The following NXPH1 variants were observed in gnomAD, a reference collection of about 807,000 sequenced individuals.
The protein encoded by NXPH1 is neurexophilin 1, also known as neurexophilin-1.
Under a neutral mutation model 23.7 loss-of-function variants are expected in NXPH1, and 5 were observed. The observed-to-expected ratio is 0.21, with a 90% CI of 0.11 to 0.44. NXPH1 has a LOEUF of 0.44. NXPH1 is among the 20% of genes least tolerant of loss of function. The probability of loss-of-function intolerance (pLI) is 0.99; values close to 1 mark genes in which losing one functional copy is unlikely to be tolerated. For missense variants in NXPH1, 324 were observed against 321.6 expected, an observed-to-expected ratio of 1.01 and a Z score of -0.06; for synonymous variants, 144 against 122.2, an observed-to-expected ratio of 1.18 and a Z score of -1.18.
At chr7:8,740,867 C>A (rs1403037569) in intron 2 of NXPH1, among the ~76,000 whole-genome samples, 1 of 152,058 alleles carries the variant, frequency 6.6e-6, no homozygotes, top group Non-Finnish European at 1.5e-5. Flanking sequence ...ATTAAAATAT[C>A]CATTACCTCA....
At chr7:8,455,049 G>C (rs1294164824) in intron 2 of NXPH1, among the ~76,000 whole-genome samples, 1 of 152,090 alleles carries the variant, frequency 6.6e-6, no homozygotes, top group Non-Finnish European at 1.5e-5. Flanking sequence ...ATTAACAGTA[G>C]AGTAAATTGT....
chr7:8,532,716 G>A (rs1042122537), intron 2 of NXPH1, among the ~76,000 whole-genome samples: 7 of 152,182 alleles, frequency 4.6e-5, no homozygotes, highest in South Asian at 2.1e-4. Flanking sequence ...TCCTCAGACC[G>A]TAGCGTCATT....
At chr7:8,609,653 T>A (rs1051062784) in intron 2 of NXPH1, among the ~76,000 whole-genome samples, 9 of 152,200 alleles carry the variant, frequency 5.9e-5, no homozygotes, top group African/African-American at 1.9e-4. Context: ...TCCCATCACT[T>A]GTGTGATGTC....
intron 2 of NXPH1, among the ~76,000 whole-genome samples, chr7:8,639,276 C>G (rs1373008443): frequency 6.6e-6 from 1 of 152,132 alleles, no homozygotes; most frequent in Non-Finnish European, 1.5e-5. Context: ...AAAAAATAGT[C>G]TGATAGCTGC....
intron 2 of NXPH1, among the ~76,000 whole-genome samples, chr7:8,746,657 A>G (rs1267516501): frequency 2.6e-5 from 4 of 152,212 alleles, no homozygotes; most frequent in Non-Finnish European, 5.9e-5. Context: ...TATCCTTAAT[A>G]TAAATTTAAA....
chr7:8,589,096 C>T (rs1435528448), intron 2 of NXPH1, among the ~76,000 whole-genome samples: 6 of 152,076 alleles, frequency 3.9e-5, no homozygotes, highest in Non-Finnish European at 8.8e-5. Flanking sequence ...TGCTTTCACA[C>T]CTGGATAACT....
intron 2 of NXPH1, among the ~76,000 whole-genome samples, chr7:8,453,339 C>G (rs1290076653): frequency 3.3e-5 from 5 of 152,006 alleles, no homozygotes; most frequent in African/African-American, 4.8e-5. Context: ...AGGAAAGAGA[C>G]AAAAAACCCA....
chr7:8,666,067 A>G (rs1820759118), intron 2 of NXPH1, among the ~76,000 whole-genome samples: 1 of 151,538 alleles, frequency 6.6e-6, no homozygotes, highest in Non-Finnish European at 1.5e-5. Context: ...TTTTCTGGCT[A>G]GGACTTCTAG....
At chr7:8,747,800 G>C (rs552994786) in intron 2 of NXPH1, among the ~76,000 whole-genome samples, 7 of 152,084 alleles carry the variant, frequency 4.6e-5, no homozygotes, top group Admixed American at 1.3e-4. Context: ...CAAATCCAAA[G>C]GTATGTACTA....
intron 2 of NXPH1, among the ~76,000 whole-genome samples, chr7:8,604,391 G>A (rs184146715): frequency 8.5e-5 from 13 of 152,124 alleles, no homozygotes; most frequent in Admixed American, 5.2e-4. Context: ...TGGAATATAA[G>A]GTGTTACAAT....
chr7:8,680,724 G>A (rs1439628307), intron 2 of NXPH1, among the ~76,000 whole-genome samples: 2 of 151,808 alleles, frequency 1.3e-5, no homozygotes, highest in Non-Finnish European at 2.9e-5. Context: ...GTAATACCAA[G>A]GATCACTGTA....
rs562394404 is a variant in NXPH1 at position 8,511,781 on chromosome 7, G to A, written c.54+76014G>A. Among the ~76,000 whole-genome samples, 11 of 152,260 alleles carry A rather than the reference G, an allele frequency of 7.2e-5. No homozygotes were observed. In the South Asian group the frequency reaches 2.3e-3, roughly 32 times the overall value. On this transcript the variant is annotated intron_variant, in intron 2 of 2. Coordinates refer to ENST00000405863, the MANE Select transcript of NXPH1 (RefSeq NM_152745.3). ...TTAGCTTTAAATCCTCTCACACACAGCAAGTTTGTAGACCCTACTGAAGAT... is the reference window on the plus strand; with the variant it reads ...TTAGCTTTAAATCCTCTCACACACAACAAGTTTGTAGACCCTACTGAAGAT...
At position 8,682,623 on chromosome 7, in the gene NXPH1, G is replaced by A. The variant is rs552957015; in HGVS notation, c.55-68385G>A. ...TAAGCATCAGTGGAATCAACATACA[G>A]ATATAAAATTGAAATATAATCTCAT... On this transcript the variant is annotated intron_variant, in intron 2 of 2. Transcript: ENST00000405863. Among the ~76,000 whole-genome samples, 7 of 152,216 alleles carry A rather than the reference G, an allele frequency of 4.6e-5. No homozygotes were observed. In the East Asian group the frequency reaches 7.7e-4, roughly 17 times the overall value.
chr7:8,738,861 G>C (rs539671121), intron 2 of NXPH1, among the ~76,000 whole-genome samples: 160 of 152,220 alleles, frequency 1.1e-3, no homozygotes, highest in Non-Finnish European at 2.0e-3. Flanking sequence ...GGCTACAGTA[G>C]GTTTGCTGAG....
At chr7:8,677,007 A>G (rs1357546391) in intron 2 of NXPH1, among the ~76,000 whole-genome samples, 1 of 152,128 alleles carries the variant, frequency 6.6e-6, no homozygotes, top group Non-Finnish European at 1.5e-5. Context: ...GTTTATTCCA[A>G]TTGTGTCCTT....
intron 2 of NXPH1, among the ~76,000 whole-genome samples, chr7:8,734,874 T>G (rs1330680854): frequency 8.5e-5 from 13 of 152,196 alleles, no homozygotes; most frequent in Non-Finnish European, 1.3e-4. Flanking sequence ...CCTTGTAAGT[T>G]GTATTCCTAG....
At chr7:8,692,308 G>A (rs1181908391) in intron 2 of NXPH1, among the ~76,000 whole-genome samples, 1 of 152,186 alleles carries the variant, frequency 6.6e-6, no homozygotes, top group East Asian at 1.9e-4. Context: ...AAGCCAGAAA[G>A]GAGGCTTGAA....
In NXPH1 at chr7:8,483,965, C is replaced by CTTT. The variant is rs60436502; in HGVS notation, c.54+48213_54+48215dup. Among the ~76,000 whole-genome samples the CTTT allele has an allele frequency of 8.3e-5, 11 of 132,316 alleles. 1 individual carries two copies. Among genetic ancestry groups the CTTT allele is most frequent in the African/African-American group, 1.6e-4 (5 of 32,048 alleles). The allele number at this position is 132,316 out of a possible 152,430, so 86.8% of individuals were successfully genotyped here. On this transcript the variant is annotated intron_variant, in intron 2 of 2. Transcript: ENST00000405863. ...CTAGAATAAATAACACTCCCCCCAC[C>CTTT]TTTTTTTTTTTTTTTTTAAGAAGTA...
At chr7:8,535,452 T>TAA (rs1818012939) in intron 2 of NXPH1, among the ~76,000 whole-genome samples, 1 of 152,008 alleles carries the variant, frequency 6.6e-6, no homozygotes. Context: ...ATGACCTGGA[T>TAA]TCCTATCACG....
Sources: allele counts gnomAD v4.1 joint callset (sites outside exome capture counted in the v4.1 genomes callset), GRCh38; gene constraint gnomAD v4.1.1; transcripts MANE v1.5; gene names NCBI Gene and HGNC (gene_info 2026-07-23, HGNC 2026-07-21).